The following TLN2 variants were observed in gnomAD, a reference collection of about 807,000 sequenced individuals.
TLN2 encodes talin 2.
A neutral mutation model predicts 294.7 loss-of-function variants in TLN2; 118 were observed. The observed-to-expected ratio is 0.40, with a 90% confidence interval of 0.34 to 0.47. TLN2 has a LOEUF of 0.47. Among genes scored for constraint, TLN2 ranks in the 20% least tolerant of loss-of-function variants. TLN2 has a pLI of 0.84. For missense variants in TLN2, 3,083 were observed against 3,282.2 expected, an observed-to-expected ratio of 0.94 and a Z score of 1.48; for synonymous variants, 1,431 against 1,304.5, an observed-to-expected ratio of 1.10 and a Z score of -2.09.
intron 1 of TLN2, among the ~76,000 whole-genome samples, chr15:62,493,403 TAACAACATAC>T (rs1213314320): frequency 6.6e-6 from 1 of 152,122 alleles, no homozygotes; most frequent in African/African-American, 2.4e-5. Flanking sequence ...CGGTGGGTGT[TAACAACATAC>T]ATGCCTGGCT....
intron 1 of TLN2, among the ~76,000 whole-genome samples, chr15:62,573,259 G>A (rs1410673915): frequency 6.6e-6 from 1 of 151,988 alleles, no homozygotes; most frequent in East Asian, 1.9e-4. Flanking sequence ...TCTCACTCTG[G>A]CAGCCACCCC....
chr15:62,420,313 T>G (rs1194476214), intron 1 of TLN2, among the ~76,000 whole-genome samples: 1 of 152,158 alleles, frequency 6.6e-6, no homozygotes, highest in Non-Finnish European at 1.5e-5. Context: ...GATTAACCAG[T>G]CCAGATTTTT....
chr15:62,458,098 T>C (rs1198945198), intron 1 of TLN2, among the ~76,000 whole-genome samples: 2 of 152,168 alleles, frequency 1.3e-5, no homozygotes, highest in East Asian at 3.9e-4. Context: ...TCTGAAGTTT[T>C]TGTATGAGTC....
At chr15:62,547,993 G>T (rs942503890) in intron 1 of TLN2, among the ~76,000 whole-genome samples, 2 of 152,196 alleles carry the variant, frequency 1.3e-5, no homozygotes, top group Non-Finnish European at 2.9e-5. Flanking sequence ...TTTATCACAA[G>T]ATATTCTTCC....
chr15:62,698,220 C>T (rs926111662), intron 15 of TLN2, among the ~76,000 whole-genome samples: 1 of 152,208 alleles, frequency 6.6e-6, no homozygotes, highest in Non-Finnish European at 1.5e-5. Context: ...CGCTGGGAGT[C>T]ATTGATTCCT....
intron 1 of TLN2, among the ~76,000 whole-genome samples, chr15:62,493,870 C>T (rs1332617499): frequency 2.0e-5 from 3 of 152,130 alleles, no homozygotes; most frequent in African/African-American, 4.8e-5. Context: ...CTCGGCCTCC[C>T]AAAGTGCTGG....
intron 1 of TLN2, among the ~76,000 whole-genome samples, chr15:62,507,074 G>A (rs76548942): frequency 6.6e-6 from 1 of 152,140 alleles, no homozygotes; most frequent in Non-Finnish European, 1.5e-5. Flanking sequence ...ATAATTTTAA[G>A]ATTATTTAAT....
intron 1 of TLN2, among the ~76,000 whole-genome samples, chr15:62,454,979 C>G (rs536776336): frequency 6.6e-6 from 1 of 152,298 alleles, no homozygotes; most frequent in African/African-American, 2.4e-5. Flanking sequence ...TTTCCTCCCC[C>G]CGGGGGGCTG....
At chr15:62,477,378 G>A (rs1364829843) in intron 1 of TLN2, among the ~76,000 whole-genome samples, 1 of 152,204 alleles carries the variant, frequency 6.6e-6, no homozygotes, top group East Asian at 1.9e-4. Flanking sequence ...AACTGCCTGG[G>A]TGGATGTGGG....
Position 62,708,561 on chromosome 15 carries a change from G to A in TLN2, c.2232G>A (p.Lys744=), listed in dbSNP as rs535754605. 6.2e-7 allele frequency: 1 copy of A among 1,614,216 alleles called. No individual in the cohort carries two copies. The highest frequency in any genetic ancestry group is 1.7e-5 in the Admixed American group (1 of 60,030). The change falls in exon 21 of 59, where the codon AAG becomes AAA. Residue 744 remains lysine (K), a synonymous_variant. Coordinates refer to ENST00000636159, the MANE Select transcript of TLN2 (RefSeq NM_015059.3). ...AGGAGCAGCTGATTGAAGCAGGGAA[G>A]CTGGTGGACCGCTCGGTGGAGAACT... ...VCQEQLIEAG[K]LVDRSVENCV...
At chr15:62,552,121 G>C (rs111452966) in intron 1 of TLN2, among the ~76,000 whole-genome samples, 4,065 of 152,258 alleles carry the variant, frequency 0.027, 62 homozygotes, top group African/African-American at 0.032. Flanking sequence ...CTATCTGCTA[G>C]ACCCAGTTTT....
chr15:62,630,372 G>A (rs2049677736), intron 3 of TLN2, among the ~76,000 whole-genome samples: 1 of 152,108 alleles, frequency 6.6e-6, no homozygotes, highest in African/African-American at 2.4e-5. Context: ...GACATTTTTG[G>A]TGCTGAATGA....
At chr15:62,639,800 T>C (rs11071679) in intron 3 of TLN2, among the ~76,000 whole-genome samples, 33,092 of 152,088 alleles carry the variant, frequency 0.22, 3,909 homozygotes, top group Middle Eastern at 0.34. Context: ...CAGGTCCCAG[T>C]GGGTTGACAA....
At chr15:62,392,259 T>A (rs1475407656) in intron 1 of TLN2, among the ~76,000 whole-genome samples, 1 of 152,192 alleles carries the variant, frequency 6.6e-6, no homozygotes, top group African/African-American at 2.4e-5. Flanking sequence ...AGAATTCCTG[T>A]GTCTCATAGT....
At chr15:62,440,306 C>G (rs1471490942) in intron 1 of TLN2, among the ~76,000 whole-genome samples, 1 of 152,138 alleles carries the variant, frequency 6.6e-6, no homozygotes, top group Non-Finnish European at 1.5e-5. Flanking sequence ...GTATGACTTA[C>G]CTCTTTAAAC....
chr15:62,787,708 T>C (rs2064787068), intron 45 of TLN2, among the ~76,000 whole-genome samples: 2 of 146,216 alleles, frequency 1.4e-5, no homozygotes, highest in African/African-American at 5.0e-5. Flanking sequence ...TTTTTTTTTT[T>C]TTTTTTTTGA....
intron 2 of TLN2, among the ~76,000 whole-genome samples, chr15:62,616,658 T>C (rs2048337954): frequency 6.6e-6 from 1 of 152,208 alleles, no homozygotes. Flanking sequence ...ATGGTGTGAG[T>C]TTCTCCCCAG....
intron 39 of TLN2, among the ~76,000 whole-genome samples, chr15:62,762,846 T>A (rs2062762655): frequency 6.6e-6 from 1 of 152,216 alleles, no homozygotes; most frequent in Admixed American, 6.5e-5. Flanking sequence ...TGAGCACCGT[T>A]GTTTATTTAG....
intron 51 of TLN2, among the ~76,000 whole-genome samples, chr15:62,808,733 A>T (rs576908689): frequency 6.6e-6 from 1 of 152,292 alleles, no homozygotes; most frequent in East Asian, 1.9e-4. Flanking sequence ...TTCGAGGCAC[A>T]GGGGTATGAG....
Sources: allele counts gnomAD v4.1 joint callset (sites outside exome capture counted in the v4.1 genomes callset), GRCh38; gene constraint gnomAD v4.1.1; transcripts MANE v1.5; gene names NCBI Gene and HGNC (gene_info 2026-07-23, HGNC 2026-07-21).